PTPRD: variants seen among roughly 807,000 people sequenced by gnomAD.
PTPRD encodes the protein protein tyrosine phosphatase receptor type D.
PTPRD carries 34 observed loss-of-function variants against 214.5 expected under a neutral mutation model. That is an observed-to-expected ratio of 0.16 (90% CI 0.12 to 0.21). The LOEUF is 0.21. Ranked by LOEUF, PTPRD falls within the 10% of genes least tolerant of loss-of-function variation. The pLI is 1.00. For missense variants in PTPRD, 2,545 were observed against 2,398.7 expected (o/e 1.06, Z -1.27); for synonymous variants, 1,128 against 845.7 (o/e 1.33, Z -5.79).
intron 9 of PTPRD, among the ~76,000 whole-genome samples, chr9:9,239,507 A>C (rs2099969235): frequency 6.6e-6 from 1 of 152,096 alleles, no homozygotes; most frequent in Non-Finnish European, 1.5e-5. Context: ...CAAGAAAAAA[A>C]TTACCCTTAA....
chr9:9,139,940 G>T (rs1360988546), intron 10 of PTPRD, among the ~76,000 whole-genome samples: 1 of 152,024 alleles, frequency 6.6e-6, no homozygotes, highest in Non-Finnish European at 1.5e-5. Flanking sequence ...TACCCTGGTT[G>T]TCCATGATTT....
At chr9:9,798,635 T>C (rs1445551346) in intron 5 of PTPRD, among the ~76,000 whole-genome samples, 1 of 152,210 alleles carries the variant, frequency 6.6e-6, no homozygotes, top group African/African-American at 2.4e-5. Context: ...TGGGGTATCA[T>C]GTTCTGAATT....
chr9:8,386,254 T>G (rs118101279), intron 37 of PTPRD, among the ~76,000 whole-genome samples: 2 of 152,186 alleles, frequency 1.3e-5, no homozygotes, highest in African/African-American at 4.8e-5. Flanking sequence ...AGTGCCCTAC[T>G]TGGAACTGTC....
At chr9:10,584,182 C>T (rs1445100908) in intron 2 of PTPRD, among the ~76,000 whole-genome samples, 1 of 124,300 alleles carries the variant, frequency 8.0e-6, no homozygotes, top group South Asian at 2.5e-4. Flanking sequence ...ATGACAATTA[C>T]AAAAAAAAAA....
At chr9:8,817,059 A>C (rs1293675953) in intron 11 of PTPRD, among the ~76,000 whole-genome samples, 1 of 152,194 alleles carries the variant, frequency 6.6e-6, no homozygotes, top group African/African-American at 2.4e-5. Context: ...TGATTAAAGA[A>C]TATTTTTCCT....
intron 2 of PTPRD, among the ~76,000 whole-genome samples, chr9:10,564,702 T>A (rs1293758921): frequency 6.6e-6 from 1 of 152,156 alleles, no homozygotes; most frequent in African/African-American, 2.4e-5. Context: ...TTCACTCTTA[T>A]CTACCTTTTG....
chr9:9,171,904 A>G (rs1425739110), intron 10 of PTPRD, among the ~76,000 whole-genome samples: 1 of 152,160 alleles, frequency 6.6e-6, no homozygotes, highest in African/African-American at 2.4e-5. Flanking sequence ...TTGGAAAGAC[A>G]TAATCATTAT....
At position 8,504,297 on chromosome 9, in the gene PTPRD, A is replaced by G. The variant is rs746744830; in HGVS notation, c.1786T>C (p.Ser596Pro). The change falls in exon 23 of 46, where the codon TCT becomes CCT. Residue 596 changes from serine to proline, a missense_variant. Ser to Pro is a moderately conservative substitution (Grantham distance 74). Transcript: ENST00000381196. ...GTTCTAGCTGATATTTCTGCAGTAG[A>G]AGCACCCAGGCCTTGAGGGGAGCGT... ...AARSPQGLGA[S>P]TAEISARTMQ... 6.2e-7 allele frequency: 1 copy of G among 1,614,148 alleles called. No homozygotes were observed. The highest frequency in any genetic ancestry group is 8.5e-7 in the Non-Finnish European group (1 of 1,179,978).
intron 3 of PTPRD, among the ~76,000 whole-genome samples, chr9:10,045,082 A>G (rs1181511205): frequency 1.3e-5 from 2 of 151,726 alleles, no homozygotes; most frequent in African/African-American, 2.4e-5. Context: ...TTCAAGATTC[A>G]GAGGTCAAAA....
At chr9:8,879,850 C>G (rs1025920385) in intron 11 of PTPRD, among the ~76,000 whole-genome samples, 4 of 152,130 alleles carry the variant, frequency 2.6e-5, no homozygotes, top group East Asian at 1.9e-4. Flanking sequence ...TGAGACTGCT[C>G]TAAGCACCCC....
At chr9:8,658,857 A>G (rs185527643) in intron 12 of PTPRD, among the ~76,000 whole-genome samples, 1 of 152,024 alleles carries the variant, frequency 6.6e-6, no homozygotes, top group East Asian at 2.0e-4. Context: ...CCTGATATAT[A>G]AAATGACCAA....
chr9:9,580,761 G>T (rs148761394), intron 7 of PTPRD, among the ~76,000 whole-genome samples: 1,618 of 151,680 alleles, frequency 0.011, 16 homozygotes, highest in Non-Finnish European at 0.016. Context: ...GTTGGCCAGG[G>T]TGGTCTCAAA....
intron 11 of PTPRD, among the ~76,000 whole-genome samples, chr9:8,756,070 G>C (rs962186889): frequency 2.6e-5 from 4 of 152,146 alleles, no homozygotes; most frequent in African/African-American, 9.7e-5. Context: ...GAAACTTGAA[G>C]AAAGAATCCA....
At position 8,951,823 on chromosome 9, in the gene PTPRD, T is replaced by G. The variant is rs183814806; in HGVS notation, c.-104+66874A>C. Among the ~76,000 whole-genome samples the G allele has an allele frequency of 3.6e-4, 55 of 152,122 alleles. 1 individual carries two copies. Among genetic ancestry groups the G allele is most frequent in the Admixed American group, 9.8e-4 (15 of 15,246 alleles). On this transcript the variant is annotated intron_variant, in intron 11 of 45. Transcript: ENST00000381196. The stretch of plus-strand genomic sequence containing the variant: ...TCATTTTGTTTCTCTAATTCCACAT[T>G]TGTCCTGCACTCTCCATTCACACAG...
At chr9:8,777,591 C>G (rs1423849506) in intron 11 of PTPRD, among the ~76,000 whole-genome samples, 1 of 152,116 alleles carries the variant, frequency 6.6e-6, no homozygotes, top group Admixed American at 6.6e-5. Context: ...GAATGTGTAT[C>G]CCATTTTGAG....
intron 11 of PTPRD, among the ~76,000 whole-genome samples, chr9:8,841,588 T>G (rs2097558667): frequency 6.6e-6 from 1 of 152,192 alleles, no homozygotes; most frequent in Admixed American, 6.5e-5. Context: ...TAAACACTGC[T>G]TAATACACAA....
chr9:8,391,925 GT>G (rs34675671), intron 36 of PTPRD, among the ~76,000 whole-genome samples: 26,521 of 152,016 alleles, frequency 0.17, 2,780 homozygotes, highest in Non-Finnish European at 0.23. Context: ...ATGAATTGGG[GT>G]TTTTTGCATA....
In PTPRD at chr9:9,947,507, T is replaced by C. The variant is rs1463717861; in HGVS notation, c.-471-8897A>G. ...TTATATATATTATATATATTTTATA[T>C]ATATAATATATATATTATATATATT... On this transcript the variant is annotated intron_variant, in intron 4 of 45. Transcript: ENST00000381196. 9.6e-5 allele frequency among the ~76,000 whole-genome samples: 3 copies of C among 31,138 alleles called. 1 individual carries two copies. Among genetic ancestry groups the C allele is most frequent in the South Asian group, 9.6e-4 (1 of 1,040 alleles). The allele number at this position is 31,138 out of a possible 152,430, so 20.4% of individuals were successfully genotyped here.
At chr9:8,330,590 G>C (rs1356212752) in intron 44 of PTPRD, among the ~76,000 whole-genome samples, 2 of 152,110 alleles carry the variant, frequency 1.3e-5, no homozygotes, top group East Asian at 3.9e-4. Flanking sequence ...AATGTACATA[G>C]ATAAAGGTTT....
Sources: allele counts gnomAD v4.1 joint callset (sites outside exome capture counted in the v4.1 genomes callset), GRCh38; gene constraint gnomAD v4.1.1; transcripts MANE v1.5; gene names NCBI Gene and HGNC (gene_info 2026-07-23, HGNC 2026-07-21).